Variants in STAG1 observed in about 807,000 individuals in gnomAD.
STAG1 encodes cohesin subunit SA-1.
In STAG1, 26 loss-of-function variants were observed where a neutral mutation model predicts 170.9. The observed-to-expected ratio is 0.15, with a 90% CI of 0.11 to 0.21. STAG1 has a LOEUF of 0.21. Ranked by LOEUF, STAG1 falls within the 10% of genes least tolerant of loss-of-function variation. STAG1 has a pLI of 1.00. For synonymous variants in STAG1, 514 were observed against 497.7 expected (o/e 1.03, Z -0.44); for missense variants, 964 against 1,509.5 (o/e 0.64, Z 5.99).
intron 29 of STAG1, among the ~76,000 whole-genome samples, chr3:136,348,627 T>C (rs1936323760): frequency 6.6e-6 from 1 of 152,056 alleles, no homozygotes; most frequent in Admixed American, 6.6e-5. Context: ...TGGTCTCAAA[T>C]TTCTGGCCTT....
intron 1 of STAG1, among the ~76,000 whole-genome samples, chr3:136,634,361 AAAAC>A (rs1047134936): frequency 4.6e-5 from 7 of 151,880 alleles, no homozygotes; most frequent in East Asian, 1.9e-4. Flanking sequence ...TTCAGCCCCC[AAAAC>A]AAACAAACAA....
chr3:136,682,352 A>C (rs1424436060), intron 1 of STAG1, among the ~76,000 whole-genome samples: 2 of 151,606 alleles, frequency 1.3e-5, no homozygotes, highest in South Asian at 2.1e-4. Context: ...TTGAACCCGG[A>C]AGGCAGAGGT....
chr3:136,588,389 T>C (rs1937954674), intron 4 of STAG1, among the ~76,000 whole-genome samples: 2 of 152,172 alleles, frequency 1.3e-5, no homozygotes, highest in Non-Finnish European at 2.9e-5. Context: ...CAGGCTGTAG[T>C]GCAATGGTTG....
chr3:136,444,684 T>C (rs899822072), intron 14 of STAG1, among the ~76,000 whole-genome samples: 4 of 152,390 alleles, frequency 2.6e-5, no homozygotes, highest in African/African-American at 9.6e-5. Flanking sequence ...TAATCTGTTA[T>C]ATGTGCTTGT....
Position 136,678,578 on chromosome 3 carries a change from T to A in STAG1, c.-83-47597A>T, listed in dbSNP as rs536431241. 8.6e-5 allele frequency among the ~76,000 whole-genome samples: 13 copies of A among 151,066 alleles called. No homozygotes were observed. The South Asian group carries it at 2.7e-3, about 32-fold the overall frequency. On this transcript the variant is annotated intron_variant, in intron 1 of 33. Transcript: ENST00000383202. ...AAACAGTATGAGAAACATTCACTACTCAAAAGTAGAACTATAAAAAATTCA... is the reference window on the plus strand; with the variant it reads ...AAACAGTATGAGAAACATTCACTACACAAAAGTAGAACTATAAAAAATTCA...
intron 4 of STAG1, among the ~76,000 whole-genome samples, chr3:136,578,727 C>G (rs986176277): frequency 7.2e-5 from 11 of 152,172 alleles, no homozygotes; most frequent in African/African-American, 2.7e-4. Flanking sequence ...CCAGTTAAAT[C>G]AGGGGCTTAC....
At chr3:136,513,783 T>C (rs1934199785) in intron 7 of STAG1, among the ~76,000 whole-genome samples, 1 of 151,872 alleles carries the variant, frequency 6.6e-6, no homozygotes, top group South Asian at 2.1e-4. Flanking sequence ...TCAAAAAATA[T>C]GCTACACAAA....
At chr3:136,370,349 TTTTAA>T (rs1398225643) in intron 23 of STAG1, among the ~76,000 whole-genome samples, 2 of 152,054 alleles carry the variant, frequency 1.3e-5, no homozygotes, top group African/African-American at 4.8e-5. Flanking sequence ...GTGTTTCTTT[TTTTAA>T]TTTTATTATT....
chr3:136,523,013 G>A (rs1469734705), intron 6 of STAG1, among the ~76,000 whole-genome samples: 1 of 152,082 alleles, frequency 6.6e-6, no homozygotes, highest in Non-Finnish European at 1.5e-5. Flanking sequence ...ATTGTGAATA[G>A]TGCCGCAATA....
intron 1 of STAG1, among the ~76,000 whole-genome samples, chr3:136,692,712 C>G (rs1321889631): frequency 6.6e-6 from 1 of 151,968 alleles, no homozygotes. Context: ...CAAATCTCTA[C>G]CCTCAACCAT....
chr3:136,443,251 C>T (rs1235620789), intron 15 of STAG1, 36 bp downstream of exon 15: 2 of 1,467,608 alleles, frequency 1.4e-6, no homozygotes, highest in African/African-American at 1.4e-5. Context: ...AATGGAAATA[C>T]AAAATCATGT....
intron 14 of STAG1, among the ~76,000 whole-genome samples, chr3:136,444,168 C>T (rs967136991): frequency 6.6e-6 from 1 of 151,806 alleles, no homozygotes; most frequent in South Asian, 2.1e-4. Flanking sequence ...CCACCTCCTG[C>T]GTTCAAGTGA....
chr3:136,376,438 A>G (rs1197647117), intron 23 of STAG1, among the ~76,000 whole-genome samples: 1 of 151,972 alleles, frequency 6.6e-6, no homozygotes, highest in Non-Finnish European at 1.5e-5. Flanking sequence ...TGAGGAATCT[A>G]TCAGACCAAT....
chr3:136,541,177 C>A (rs1935884127), intron 6 of STAG1, among the ~76,000 whole-genome samples: 1 of 151,796 alleles, frequency 6.6e-6, no homozygotes, highest in South Asian at 2.1e-4. Flanking sequence ...ATAATAAAAC[C>A]CCGTGCCCAC....
intron 1 of STAG1, among the ~76,000 whole-genome samples, chr3:136,665,930 C>G (rs188732264): frequency 1.3e-5 from 2 of 151,042 alleles, no homozygotes; most frequent in Non-Finnish European, 3.0e-5. Flanking sequence ...AAAAAATTAG[C>G]CGGGTGAGGT....
chr3:136,751,896 G>A (rs974513092), intron 1 of STAG1, among the ~76,000 whole-genome samples: 72 of 150,970 alleles, frequency 4.8e-4, no homozygotes, highest in Non-Finnish European at 3.6e-4. Context: ...GGGCGGGCGG[G>A]GGCAAAATTT....
chr3:136,435,926 C>T (rs1160994787), intron 15 of STAG1, among the ~76,000 whole-genome samples: 1 of 152,038 alleles, frequency 6.6e-6, no homozygotes, highest in Non-Finnish European at 1.5e-5. Context: ...TCTTGGCCTA[C>T]CAAAGCACGG....
At chr3:136,706,574 A>C (rs987125025) in intron 1 of STAG1, among the ~76,000 whole-genome samples, 2 of 152,242 alleles carry the variant, frequency 1.3e-5, no homozygotes, top group African/African-American at 4.8e-5. Flanking sequence ...AGACTTAATT[A>C]AATGGAAAGA....
intron 1 of STAG1, among the ~76,000 whole-genome samples, chr3:136,719,641 A>G (rs1486868758): frequency 9.4e-4 from 26 of 27,770 alleles, no homozygotes; most frequent in African/African-American, 2.2e-3. Context: ...GTAGGTGGGT[A>G]GGTGGGTAGG....
Sources: allele counts gnomAD v4.1 joint callset (sites outside exome capture counted in the v4.1 genomes callset), GRCh38; gene constraint gnomAD v4.1.1; transcripts MANE v1.5; gene names NCBI Gene and HGNC (gene_info 2026-07-23, HGNC 2026-07-21).